Variants in HDAC4 observed in about 807,000 individuals in gnomAD.
The protein encoded by HDAC4 is histone deacetylase A.
In HDAC4, 16 loss-of-function variants were observed where a neutral mutation model predicts 135.1. That is an observed-to-expected ratio of 0.12 (90% CI 0.08 to 0.18). The LOEUF is 0.18. HDAC4 is among the 10% of genes least tolerant of loss of function. HDAC4 has a pLI of 1.00. For missense variants in HDAC4, 1,143 were observed against 1,511.8 expected, an observed-to-expected ratio of 0.76 and a Z score of 4.05; for synonymous variants, 685 against 653.4, an observed-to-expected ratio of 1.05 and a Z score of -0.74.
chr2:239,120,410 C>CACAG (rs1559467054), intron 12 of HDAC4, among the ~76,000 whole-genome samples: 19 of 145,028 alleles, frequency 1.3e-4, no homozygotes, highest in East Asian at 2.1e-4. Flanking sequence ...CAGACACACA[C>CACAG]ACACAGACAC....
chr2:239,391,272 T>A (rs931504069), intron 1 of HDAC4, among the ~76,000 whole-genome samples: 1 of 152,102 alleles, frequency 6.6e-6, no homozygotes, highest in South Asian at 2.1e-4. Context: ...AAGAGTCTAA[T>A]CTCTGTAAAC....
intron 13 of HDAC4, among the ~76,000 whole-genome samples, chr2:239,112,556 G>GT (rs1398464664): frequency 6.6e-6 from 1 of 151,444 alleles, no homozygotes; most frequent in Non-Finnish European, 1.5e-5. Context: ...CTCTGTGTGT[G>GT]GGGGGGGCAC....
intron 2 of HDAC4, among the ~76,000 whole-genome samples, chr2:239,315,746 A>G (rs1345599922): frequency 6.6e-6 from 1 of 152,196 alleles, no homozygotes; most frequent in Non-Finnish European, 1.5e-5. Flanking sequence ...ACCATACACA[A>G]GGGTAAACTC....
At chr2:239,388,660 G>T (rs1695991852) in intron 1 of HDAC4, among the ~76,000 whole-genome samples, 1 of 152,146 alleles carries the variant, frequency 6.6e-6, no homozygotes, top group South Asian at 2.1e-4. Context: ...GTGGGTTGGA[G>T]CCCCCACCCC....
chr2:239,144,587 G>A lies in HDAC4; in HGVS notation c.861C>T (p.Val287=). The change falls in exon 8 of 27, where the codon GTC becomes GTT. Residue 287 remains valine (V), a synonymous_variant. Coordinates refer to ENST00000543185, the MANE Select transcript of HDAC4 (RefSeq NM_001378414.1). ...GTACCTGCTCAGCCGACATACCTGTGACATCCAACGGACGCTTTTTTAGAG... is the reference window on the plus strand; with the variant it reads ...GTACCTGCTCAGCCGACATACCTGTAACATCCAACGGACGCTTTTTTAGAG... ...VTALKKRPLD[V]TDSACSSAPG... is the part of the protein sequence containing the mutation. The A allele has an allele frequency of 6.2e-7, 1 of 1,613,904 alleles. No homozygotes were observed. Among genetic ancestry groups the A allele is most frequent in the Non-Finnish European group, 8.5e-7 (1 of 1,180,040 alleles).
At chr2:239,164,384 T>C (rs1013979831) in intron 5 of HDAC4, among the ~76,000 whole-genome samples, 2 of 152,246 alleles carry the variant, frequency 1.3e-5, no homozygotes, top group East Asian at 1.9e-4. Context: ...TGCGCCGACA[T>C]GACGGCCGGC....
chr2:239,348,094 T>C (rs1375053803), intron 2 of HDAC4, among the ~76,000 whole-genome samples: 2 of 119,058 alleles, frequency 1.7e-5, no homozygotes, highest in Non-Finnish European at 3.5e-5. Context: ...GCAAATCCAC[T>C]GCTTCCTATC....
intron 3 of HDAC4, among the ~76,000 whole-genome samples, chr2:239,229,050 G>A (rs2047398609): frequency 6.6e-6 from 1 of 152,164 alleles, no homozygotes; most frequent in African/African-American, 2.4e-5. Flanking sequence ...GCTGAGGCAG[G>A]AGAATCGCTT....
chr2:239,291,465 A>C (rs2051493728), intron 2 of HDAC4, among the ~76,000 whole-genome samples: 1 of 152,150 alleles, frequency 6.6e-6, no homozygotes, highest in African/African-American at 2.4e-5. Context: ...CTGCAGTGGG[A>C]TTTTCAAAGA....
chr2:239,210,273 G>A (rs941551531), intron 3 of HDAC4, among the ~76,000 whole-genome samples: 9 of 151,980 alleles, frequency 5.9e-5, no homozygotes, highest in Non-Finnish European at 1.2e-4. Flanking sequence ...CCAGCCATGT[G>A]GAATGACGTA....
At chr2:239,150,394 C>T (rs143094649) in intron 7 of HDAC4, among the ~76,000 whole-genome samples, 131 of 151,464 alleles carry the variant, frequency 8.6e-4, no homozygotes, top group African/African-American at 3.0e-3. Context: ...AACACAGAAA[C>T]GCACACAGAT....
At position 239,068,347 on chromosome 2, in the gene HDAC4, C is replaced by T. The variant is rs573961976; in HGVS notation, c.2869+142G>A. 3.8e-3 allele frequency: 2,521 copies of T among 663,832 alleles called. 8 individuals are homozygous for T. Among genetic ancestry groups the T allele is most frequent in the Non-Finnish European group, 5.7e-3 (2,104 of 371,700 alleles). The allele number at this position is 663,832 out of a possible 1,614,324, so 41.1% of individuals were successfully genotyped here. A position where few individuals can be genotyped will look rare whatever the true frequency, so the allele number is the denominator to read the frequency against. On this transcript the variant is annotated intron_variant, in intron 23 of 26. Transcript: ENST00000543185. The surrounding 1 kb of genome is among the most constrained non-coding windows in gnomAD (Gnocchi z 4.4). ...CTGGGGCCTCCCAAATGGACTGGTT[C>T]CCAGTACGGTCAGAACCTTGGTCAT...
Position 239,139,687 on chromosome 2 carries a change from C to T in HDAC4, c.975G>A (p.Ala325=), listed in dbSNP as rs142466379. 31 of 1,613,748 alleles carry T rather than the reference C, an allele frequency of 1.9e-5. No individual in the cohort carries two copies. The highest frequency in any genetic ancestry group is 1.9e-4 in the African/African-American group (14 of 75,062). The change falls in exon 9 of 27, where the codon GCG becomes GCA. Residue 325 remains alanine, a synonymous_variant. Transcript: ENST00000543185. The surrounding 1 kb of genome is among the most constrained non-coding windows in gnomAD (Gnocchi z 5.3). ...AGGACAAACGCTTCGCACTGACCTC[C>T]GCCGGGATGCTGGGGACGGCGGGCG... ...GIAPAVPSIP[A]ETSLAHRLVA...
chr2:239,282,234 CCACTCTACAAT>C (rs2050816699), intron 2 of HDAC4, among the ~76,000 whole-genome samples: 3 of 130,112 alleles, frequency 2.3e-5, no homozygotes, highest in Admixed American at 2.2e-4. Flanking sequence ...AATGTACACA[CCACTCTACAAT>C]GTACACACCA....
At chr2:239,399,459 C>A (rs1696790478) in intron 1 of HDAC4, among the ~76,000 whole-genome samples, 1 of 152,180 alleles carries the variant, frequency 6.6e-6, no homozygotes, top group Non-Finnish European at 1.5e-5. Context: ...CCTGAAACCA[C>A]CACACCAGCC....
chr2:239,187,707 G>C (rs901206840), intron 4 of HDAC4, among the ~76,000 whole-genome samples: 10 of 152,232 alleles, frequency 6.6e-5, no homozygotes, highest in African/African-American at 2.4e-4. Context: ...CCTGCCAGGA[G>C]TGTCAGGATC....
Position 239,105,533 on chromosome 2 carries a change from C to G in HDAC4, c.2112+2517G>C, listed in dbSNP as rs75400845. Among the ~76,000 whole-genome samples, 16 of 152,328 alleles carry G rather than the reference C, an allele frequency of 1.1e-4. No homozygotes were observed. In the East Asian group the frequency reaches 3.1e-3, roughly 29 times the overall value. Reference sequence around the variant, plus strand: ...TCTTGCTGGGCCGGCCTGCCAGTATCGACAGGGTCCCAAGCTTGCAGAAAG... The same window carrying G: ...TCTTGCTGGGCCGGCCTGCCAGTATGGACAGGGTCCCAAGCTTGCAGAAAG... On this transcript the variant is annotated intron_variant, in intron 15 of 26. Transcript: ENST00000543185.
intron 2 of HDAC4, among the ~76,000 whole-genome samples, chr2:239,269,261 CCA>C (rs762055702): frequency 9.6e-5 from 14 of 145,658 alleles, no homozygotes; most frequent in East Asian, 8.1e-4. Flanking sequence ...ATTCACACAC[CCA>C]CACATTCACA....
rs143319499 is a variant in HDAC4 at position 239,193,046 on chromosome 2, G to A, written c.95-2969C>T. Among the ~76,000 whole-genome samples the A allele has an allele frequency of 1.8e-3, 274 of 152,326 alleles. 1 individual carries two copies. The highest frequency in any genetic ancestry group is 6.1e-3 in the African/African-American group (255 of 41,578). ...TTTAGCTTGAACAAATAAGCACAGG[G>A]AATAAGTAACTGCACAGCGTTGCAT... On this transcript the variant is annotated intron_variant, in intron 3 of 26. Coordinates refer to ENST00000543185, the MANE Select transcript of HDAC4 (RefSeq NM_001378414.1).
Sources: gnomAD v4.1 joint callset for allele counts (sites outside exome capture counted in the v4.1 genomes callset) on GRCh38, gnomAD v4.1.1 for gene constraint, Gnocchi (gnomAD v3.1) non-coding constraint, MANE v1.5 for transcripts, NCBI Gene and HGNC (gene_info 2026-07-23, HGNC 2026-07-21) for gene names.